Variants in SLC35F4 observed in about 807,000 individuals in gnomAD.
SLC35F4 encodes solute carrier family 35 member F4, also known as chromosome 14 open reading frame 36.
A neutral mutation model predicts 44.2 loss-of-function variants in SLC35F4; 24 were observed. The ratio of observed to expected loss-of-function variants is 0.54; its 90% CI spans 0.39 to 0.76. The LOEUF (loss-of-function observed/expected upper bound fraction) is 0.76. SLC35F4 is among the 30% of genes least tolerant of loss of function. The pLI is 0.00. For missense variants in SLC35F4, 562 were observed against 586.1 expected (o/e 0.96, Z 0.42); for synonymous variants, 238 against 223.6 (o/e 1.06, Z -0.57).
At position 57,618,516 on chromosome 14, in the gene SLC35F4, C is replaced by T. The variant is rs572792740; in HGVS notation, c.104-24392G>A. Among the ~76,000 whole-genome samples, 12 of 152,300 alleles carry T rather than the reference C, an allele frequency of 7.9e-5. No individual in the cohort carries two copies. In the South Asian group the frequency reaches 1.0e-3, roughly 13 times the overall value. Reference sequence around the variant, plus strand: ...ACGGTGCACTCTGGCCCAGATACTGCGCTTTTCCCATGGTCTTCACAACCC... The same window carrying T: ...ACGGTGCACTCTGGCCCAGATACTGTGCTTTTCCCATGGTCTTCACAACCC... On this transcript the variant is annotated intron_variant, in intron 1 of 7. Coordinates refer to ENST00000556826, the MANE Select transcript of SLC35F4 (RefSeq NM_001306087.2).
chr14:57,823,123 C>G (rs759713255), intron 1 of SLC35F4, among the ~76,000 whole-genome samples: 2 of 152,082 alleles, frequency 1.3e-5, no homozygotes, highest in Non-Finnish European at 2.9e-5. Flanking sequence ...CTCAGAATAC[C>G]CTCCACACTC....
intron 1 of SLC35F4, among the ~76,000 whole-genome samples, chr14:57,690,071 T>C (rs970855962): frequency 1.3e-5 from 2 of 152,158 alleles, no homozygotes; most frequent in African/African-American, 4.8e-5. Flanking sequence ...TCATCTCTAC[T>C]TCTAAACTCC....
intron 1 of SLC35F4, among the ~76,000 whole-genome samples, chr14:57,701,145 T>G (rs2075529068): frequency 1.3e-5 from 2 of 152,080 alleles, no homozygotes; most frequent in Non-Finnish European, 2.9e-5. Flanking sequence ...CCTATTTTTT[T>G]TTAACTTTTT....
chr14:57,852,102 CA>C (rs1296307341), intron 1 of SLC35F4, among the ~76,000 whole-genome samples: 6 of 152,074 alleles, frequency 3.9e-5, no homozygotes, highest in Admixed American at 3.3e-4. Context: ...ATCTAATGGG[CA>C]GAAAAGCATT....
chr14:57,757,091 C>T (rs1385014361), intron 1 of SLC35F4, among the ~76,000 whole-genome samples: 1 of 152,142 alleles, frequency 6.6e-6, no homozygotes, highest in African/African-American at 2.4e-5. Context: ...GGTGCGTGAA[C>T]ATCTAGGACT....
intron 1 of SLC35F4, among the ~76,000 whole-genome samples, chr14:57,830,857 T>A (rs1177413680): frequency 1.3e-5 from 2 of 152,152 alleles, no homozygotes; most frequent in Non-Finnish European, 2.9e-5. Context: ...CAGAGCCAAT[T>A]TATCAGAAAT....
intron 1 of SLC35F4, among the ~76,000 whole-genome samples, chr14:57,770,006 T>G (rs765569802): frequency 2.6e-5 from 4 of 152,126 alleles, no homozygotes; most frequent in Non-Finnish European, 5.9e-5. Context: ...GTTCTGAATT[T>G]AGAAAAGAAA....
At chr14:57,782,495 T>C (rs1158127140) in intron 1 of SLC35F4, among the ~76,000 whole-genome samples, 1 of 152,214 alleles carries the variant, frequency 6.6e-6, no homozygotes, top group Non-Finnish European at 1.5e-5. Context: ...TTAAAATTTA[T>C]TAAAATCTAT....
rs1224167533 is a variant in SLC35F4, at chr14:57,942,605, T to C, written n.282+39308A>G. On this transcript the variant is annotated intron_variant and non_coding_transcript_variant, in intron 1 of 1. Coordinates refer to the SLC35F4 transcript ENST00000556568. ...AGCATTTTCGGAATTTCAATACAAG[T>C]TTATCAATACCAACTAATACAACTG... 2.0e-5 allele frequency among the ~76,000 whole-genome samples: 3 copies of C among 152,198 alleles called. No individual in the cohort carries two copies. In the East Asian group the frequency reaches 5.8e-4, roughly 29 times the overall value.
intron 1 of SLC35F4, among the ~76,000 whole-genome samples, chr14:57,784,612 C>G (rs7150544): frequency 0.4 from 60,951 of 151,926 alleles, 13,263 homozygotes; most frequent in East Asian, 0.69. Flanking sequence ...AGGAGGTTGA[C>G]GCTGCAGTAA....
chr14:57,772,582 A>G (rs1240744173), intron 1 of SLC35F4, among the ~76,000 whole-genome samples: 1 of 152,032 alleles, frequency 6.6e-6, no homozygotes, highest in Non-Finnish European at 1.5e-5. Context: ...ATATGTACCC[A>G]TTGTTTAGTT....
chr14:57,645,812 A>G (rs992297225), intron 1 of SLC35F4, among the ~76,000 whole-genome samples: 1 of 151,440 alleles, frequency 6.6e-6, no homozygotes, highest in East Asian at 1.9e-4. Context: ...TACCTAATTT[A>G]TTGAGAGTTT....
intron 4 of SLC35F4, chr14:57,580,395 G>A (rs1271985249): frequency 5.5e-6 from 1 of 183,388 alleles, no homozygotes; most frequent in Non-Finnish European, 1.2e-5. Flanking sequence ...GAGAAGATAA[G>A]TTGTGTAATA....
intron 1 of SLC35F4, among the ~76,000 whole-genome samples, chr14:57,724,586 C>T (rs1217225504): frequency 6.6e-6 from 1 of 152,140 alleles, no homozygotes; most frequent in African/African-American, 2.4e-5. Flanking sequence ...GTCCTGAAGG[C>T]GTAAGTCAGT....
chr14:57,589,477 C>T lies in SLC35F4; in HGVS notation c.326G>A (p.Ser109Asn), dbSNP rs1253465157. 13 of 1,613,290 alleles carry T rather than the reference C, an allele frequency of 8.1e-6. No individual in the cohort carries two copies. The highest frequency in any genetic ancestry group is 2.2e-5 in the East Asian group (1 of 44,892). The change falls in exon 3 of 8, where the codon AGC becomes AAC. Residue 109 changes from serine (S) to asparagine (N), a missense_variant. Transcript: ENST00000556826. ...GCGAGCCTTGATTCTGTTTTCTTGG[C>T]TGCTGTTCTCAGAATGAGTCTGTGT... The part of the protein sequence containing the change: ...DGTQTHSENS[S>N]QENRIKARCL...
chr14:57,961,068 T>C (rs924994202), intron 1 of SLC35F4, among the ~76,000 whole-genome samples: 2 of 152,034 alleles, frequency 1.3e-5, no homozygotes, highest in African/African-American at 2.4e-5. Context: ...GTCAAGAAGA[T>C]ACGTGGGGCA....
intron 1 of SLC35F4, among the ~76,000 whole-genome samples, chr14:57,784,528 A>T (rs8012699): frequency 0.28 from 41,788 of 151,748 alleles, 6,189 homozygotes; most frequent in Admixed American, 0.39. Flanking sequence ...TATAAAAAAA[A>T]TTTTTTCTTA....
chr14:57,741,099 C>T (rs985952618), intron 1 of SLC35F4, among the ~76,000 whole-genome samples: 1 of 152,162 alleles, frequency 6.6e-6, no homozygotes, highest in African/African-American at 2.4e-5. Context: ...TCATCAAAGA[C>T]CAAAGGTAGA....
At chr14:57,937,256 C>T (rs186650778) in intron 1 of SLC35F4, among the ~76,000 whole-genome samples, 172 of 152,028 alleles carry the variant, frequency 1.1e-3, no homozygotes, top group African/African-American at 3.7e-3. Flanking sequence ...TTACCAGAGA[C>T]GGGGTTTCTC....
Sources: gnomAD v4.1 joint callset for allele counts (sites outside exome capture counted in the v4.1 genomes callset) on GRCh38, gnomAD v4.1.1 for gene constraint, MANE v1.5 for transcripts, NCBI Gene and HGNC (gene_info 2026-07-23, HGNC 2026-07-21) for gene names.